The following ABHD8 variants were observed in gnomAD, a reference collection of about 807,000 sequenced individuals.
The protein encoded by ABHD8 is abhydrolase domain containing 8.
Under a neutral mutation model 29.3 loss-of-function variants are expected in ABHD8, and 10 were observed. That is an observed-to-expected ratio of 0.34 (90% CI 0.21 to 0.58). The LOEUF (loss-of-function observed/expected upper bound fraction) is 0.58. ABHD8 is among the 20% of genes least tolerant of loss of function. ABHD8 has a pLI of 0.85. For synonymous variants in ABHD8, 282 were observed against 274.6 expected, an observed-to-expected ratio of 1.03 and a Z score of -0.27; for missense variants, 556 against 615.3, an observed-to-expected ratio of 0.90 and a Z score of 1.02.
intron 2 of ABHD8, among the ~76,000 whole-genome samples, chr19:17,295,938 T>A (rs956040085): frequency 6.6e-6 from 1 of 152,164 alleles, no homozygotes; most frequent in Non-Finnish European, 1.5e-5. Flanking sequence ...CTTGAACTCC[T>A]GGGCTCAAGT....
chr19:17,294,584 C>T (rs1295559669), intron 3 of ABHD8, 80 bp from the exon 4 acceptor site: 34 of 1,607,558 alleles, frequency 2.1e-5, no homozygotes, highest in Non-Finnish European at 2.9e-5. Context: ...AGCCCTAGTC[C>T]CAGCGGTACA....
At chr19:17,294,088 TGATG>T (rs1458943948) in intron 4 of ABHD8, among the ~76,000 whole-genome samples, 196 bp downstream of exon 4, 1 of 152,128 alleles carries the variant, frequency 6.6e-6, no homozygotes, top group Non-Finnish European at 1.5e-5. Context: ...ATTCTACTTC[TGATG>T]CTAGACCTAA....
intron 3 of ABHD8, 64 bp from the exon 4 acceptor site, chr19:17,294,568 G>C: frequency 1.2e-6 from 2 of 1,609,600 alleles, no homozygotes; most frequent in South Asian, 2.2e-5. Context: ...GGGTGCCCCC[G>C]ATGCCAGCCC....
chr19:17,301,535 C>T lies in ABHD8; in HGVS notation c.82G>A (p.Glu28Lys). The T allele has an allele frequency of 6.2e-7, 1 of 1,609,820 alleles. No individual in the cohort carries two copies. Among genetic ancestry groups the T allele is most frequent in the Non-Finnish European group, 8.5e-7 (1 of 1,178,460 alleles). ...ACAAAGGTGTAGCCATCGCTGGACT[C>T]GACGCTCTCCAGTGGCCCCACGGCG... ...PNAVGPLESV[E>K]SSDGYTFVEV... The change falls in exon 2 of 5, where the codon GAG (glutamate) becomes AAG (lysine). Residue 28 changes from glutamate (E) to lysine (K), a missense_variant. Glu to Lys is a moderately conservative substitution (Grantham distance 56, BLOSUM62 1). Coordinates refer to ENST00000247706, the MANE Select transcript of ABHD8 (RefSeq NM_024527.5).
intron 4 of ABHD8, among the ~76,000 whole-genome samples, chr19:17,293,757 G>C (rs1223978254): frequency 6.6e-6 from 1 of 150,800 alleles, no homozygotes; most frequent in Non-Finnish European, 1.5e-5. Context: ...GCAGTGGTGC[G>C]AGCATGGCTC....
chr19:17,301,738 G>A (rs1472597369), intron 1 of ABHD8, 114 bp from the exon 2 acceptor site: 15 of 1,260,518 alleles, frequency 1.2e-5, no homozygotes, highest in Non-Finnish European at 1.6e-5. Flanking sequence ...TTTGGGGAGC[G>A]CCAGATCAAG....
At chr19:17,302,204 AG>A (rs1402730242) in intron 1 of ABHD8, 1 of 152,286 alleles carries the variant, frequency 6.6e-6, no homozygotes, top group Non-Finnish European at 1.5e-5. Context: ...TCCACAGGGA[AG>A]GTGGTGGCGT....
chr19:17,292,208 C>T lies in ABHD8; in HGVS notation c.*453G>A, dbSNP rs1599520800. ...TGGCGCCAGCCCCCCCATCCCCCCC[C>T]CTTGGGCAAAAATAGCTCCCAGCGC... is the stretch of plus-strand genomic sequence containing the variant. On this transcript the variant is annotated 3_prime_UTR_variant, in exon 5 of 5. Coordinates refer to ENST00000247706, the MANE Select transcript of ABHD8 (RefSeq NM_024527.5). 5.0e-6 allele frequency: 1 copy of T among 200,724 alleles called. No individual in the cohort carries two copies. The highest frequency in any genetic ancestry group is 1.7e-4 in the South Asian group (1 of 6,060). The allele number at this position is 200,724 out of a possible 1,614,324, so 12.4% of individuals were successfully genotyped here.
chr19:17,301,388 G>A lies in ABHD8; in HGVS notation c.229C>T (p.Arg77Cys), dbSNP rs1363521448. Residue 77 changes from arginine to cysteine, a missense_variant, in exon 2 of 5, where the codon CGC becomes TGC. Arg to Cys is a radical substitution (Grantham distance 180, BLOSUM62 -3). Around this residue, in one of 2 missense-constraint regions of ABHD8, gnomAD observed 286 missense variants for 261.4 expected, o/e 1.09. Transcript: ENST00000247706. ...AAQGDLSGLV[R>C]CQRRITVYRN... ...TACACGGTGATCCGGCGCTGACAGC[G>A]GACCAAGCCGGAGAGGTCCCCCTGG... 5 of 1,611,466 alleles carry A rather than the reference G, an allele frequency of 3.1e-6. No homozygotes were observed. The highest frequency in any genetic ancestry group is 2.2e-5 in the South Asian group (2 of 91,088).
intron 2 of ABHD8, chr19:17,297,870 A>C (rs1218067484): frequency 6.6e-6 from 1 of 150,412 alleles, no homozygotes; most frequent in East Asian, 2.0e-4. Context: ...TGTTGGGATT[A>C]TAGGTGTAAG....
chr19:17,302,740 C>T (rs1490094366), intron 1 of ABHD8: 1 of 152,268 alleles, frequency 6.6e-6, no homozygotes, highest in East Asian at 1.9e-4. Context: ...AGAGGCAGGG[C>T]CCTGGCTGGG....
intron 2 of ABHD8, 55 bp downstream of exon 2, chr19:17,300,801 T>C: frequency 6.6e-7 from 1 of 1,521,184 alleles, no homozygotes; most frequent in South Asian, 1.3e-5. Flanking sequence ...TTTGTGACTG[T>C]AGTCCCTGCT....
At position 17,294,327 on chromosome 19, in the gene ABHD8, A is replaced by T. The variant is rs1284654419; in HGVS notation, c.1110T>A (p.Asp370Glu). The change falls in exon 4 of 5, where the codon GAT becomes GAA. Residue 370 changes from aspartate to glutamate, a missense_variant. Asp to Glu is a conservative substitution (Grantham distance 45, BLOSUM62 2). Around this residue, in one of 2 missense-constraint regions of ABHD8, gnomAD observed 270 missense variants for 353.9 expected, o/e 0.76. Transcript: ENST00000247706. ...VPVLLVHGMH[D>E]KFVPVEEDQR... ...GGTCTTCCTCCACCGGCACAAACTT[A>T]TCGTGCATGCCGTGGACAAGCAGGA... 6.2e-7 allele frequency: 1 copy of T among 1,611,306 alleles called. No individual in the cohort carries two copies.
At position 17,301,103 on chromosome 19, in the gene ABHD8, C is replaced by G. The variant is rs555670452; in HGVS notation, c.514G>C (p.Ala172Pro). The G allele has an allele frequency of 1.2e-6, 2 of 1,613,340 alleles. No individual in the cohort carries two copies. Among genetic ancestry groups the G allele is most frequent in the South Asian group, 2.2e-5 (2 of 91,088 alleles). ...AAAAAGAGCACCACGTCGGCCTGGG[C>G]GCCTTTGCAGCTAGTGATGCGCTTC... The part of the protein sequence containing the change: ...CEKRITSCKG[A>P]QADVVLFFIH... The change falls in exon 2 of 5, where the codon GCC becomes CCC. Residue 172 changes from alanine (A) to proline (P), a missense_variant. Physicochemically the swap from Ala to Pro is conservative, Grantham distance 27. This residue lies in a region of ABHD8 where 286 missense variants were observed against 261.4 expected (regional missense o/e 1.09). Coordinates refer to ENST00000247706, the MANE Select transcript of ABHD8 (RefSeq NM_024527.5).
Position 17,301,734 on chromosome 19 carries a change from G to A in ABHD8, c.-8-110C>T, listed in dbSNP as rs1436335991. On this transcript the variant is annotated intron_variant, in intron 1 of 4. Transcript: ENST00000247706. The stretch of plus-strand genomic sequence containing the variant: ...GAACTGTTTTAGACTCCAGTTTGGG[G>A]AGCGCCAGATCAAGTGAGCCACGGC... The A allele has an allele frequency of 2.3e-6, 3 of 1,305,042 alleles. No homozygotes were observed. In the East Asian group the frequency reaches 8.5e-5, roughly 37 times the overall value. The allele number at this position is 1,305,042 out of a possible 1,614,324, so 80.8% of individuals were successfully genotyped here.
At chr19:17,294,266 C>T (rs749967311) in intron 4 of ABHD8, 22 bp downstream of exon 4, 3 of 1,589,176 alleles carry the variant, frequency 1.9e-6, no homozygotes, top group African/African-American at 1.3e-5. Context: ...GTAGCTGTGG[C>T]GCCCCAGGTG....
chr19:17,301,776 T>TGTGTGTG (rs2074120652), intron 1 of ABHD8, among the ~76,000 whole-genome samples, 152 bp from the exon 2 acceptor site: 8 of 147,354 alleles, frequency 5.4e-5, no homozygotes, highest in Non-Finnish European at 8.9e-5. Flanking sequence ...ATTTTTTTGT[T>TGTGTGTG]TGTGTGTGTG....
intron 1 of ABHD8, among the ~76,000 whole-genome samples, chr19:17,301,982 T>C (rs1156425104): frequency 6.6e-6 from 1 of 152,068 alleles, no homozygotes; most frequent in African/African-American, 2.4e-5. Context: ...TTTGTAGAGA[T>C]GGGGTTTCAC....
At chr19:17,299,244 C>CT (rs954817387) in intron 2 of ABHD8, among the ~76,000 whole-genome samples, 5 of 148,068 alleles carry the variant, frequency 3.4e-5, no homozygotes, top group Admixed American at 2.7e-4. Flanking sequence ...ACCCCCCCCC[C>CT]ATTCTCTATA....
Sources: gnomAD v4.1 joint callset for allele counts (sites outside exome capture counted in the v4.1 genomes callset) on GRCh38, gnomAD v4.1.1 for gene constraint, gnomAD v4.1.1 regional missense constraint, MANE v1.5 for transcripts, NCBI Gene and HGNC (gene_info 2026-07-23, HGNC 2026-07-21) for gene names.